Variants in SORBS3 observed in about 807,000 individuals in gnomAD.
The protein encoded by SORBS3 is vinexin.
SORBS3 carries 69 observed loss-of-function variants against 98.0 expected under a neutral mutation model. That is an observed-to-expected ratio of 0.70 (90% CI 0.58 to 0.86). SORBS3 has a LOEUF of 0.86. Ranked by LOEUF, SORBS3 falls within the 40% of genes least tolerant of loss-of-function variation. The pLI, the probability that SORBS3 is intolerant of heterozygous loss-of-function variation, is 0.00. For synonymous variants in SORBS3, 394 were observed against 355.4 expected, an observed-to-expected ratio of 1.11 and a Z score of -1.22; for missense variants, 954 against 908.5, an observed-to-expected ratio of 1.05 and a Z score of -0.64.
intron 17 of SORBS3, among the ~76,000 whole-genome samples, chr8:22,569,798 C>G (rs765918993): frequency 6.6e-6 from 1 of 151,984 alleles, no homozygotes; most frequent in East Asian, 1.9e-4. Context: ...ACCTTGAACT[C>G]CTGGGCTCAA....
rs181988841 is a variant in SORBS3, at chr8:22,563,831, T to C, written c.585-156T>C. On this transcript the variant is annotated intron_variant, in intron 7 of 20. Coordinates refer to ENST00000240123, the MANE Select transcript of SORBS3 (RefSeq NM_005775.5). ...AATTTAAGCTTGGAGCTCACACACTTCCACAGTTTAATCTTGCTTCCAGAG... is the reference window on the plus strand; with the variant it reads ...AATTTAAGCTTGGAGCTCACACACTCCCACAGTTTAATCTTGCTTCCAGAG... Among the ~76,000 whole-genome samples the C allele has an allele frequency of 9.3e-4, 141 of 152,242 alleles. 1 individual carries two copies. The highest frequency in any genetic ancestry group is 3.3e-3 in the African/African-American group (135 of 41,532).
rs767236708 is a variant in SORBS3 at position 22,574,873 on chromosome 8, G to A, written c.*145G>A. On this transcript the variant is annotated 3_prime_UTR_variant, in exon 21 of 21. Coordinates refer to ENST00000240123, the MANE Select transcript of SORBS3 (RefSeq NM_005775.5). ...AGACGACCCCCGCAGCCTTTCCCTC[G>A]GACCCCCCTCGAAGCCCCCTGGACT... 1.0e-5 allele frequency: 8 copies of A among 770,768 alleles called. No homozygotes were observed. Among genetic ancestry groups the A allele is most frequent in the South Asian group, 5.6e-5 (4 of 71,264 alleles). 47.7% of individuals were successfully genotyped at this position (770,768 alleles called of 1,614,324 possible). A position where few individuals can be genotyped will look rare whatever the true frequency, so the allele number is the denominator to read the frequency against.
At chr8:22,548,544 C>A (rs945963447), upstream of SORBS3, among the ~76,000 whole-genome samples, 5 of 152,174 alleles carry the variant, frequency 3.3e-5, no homozygotes, top group African/African-American at 1.2e-4. Flanking sequence ...ATTCTGAGAG[C>A]AAAACCCCCC....
At chr8:22,566,626 T>C in intron 13 of SORBS3, 35 bp from the exon 14 acceptor site, 1 of 1,589,556 alleles carries the variant, frequency 6.3e-7, no homozygotes, top group South Asian at 1.1e-5. Flanking sequence ...CCCCCAGGTA[T>C]GGCCTCCCCA....
chr8:22,557,342 G>C (rs1053293132), intron 4 of SORBS3, among the ~76,000 whole-genome samples: 3 of 152,220 alleles, frequency 2.0e-5, no homozygotes, highest in Admixed American at 1.3e-4. Flanking sequence ...CGGGGGTCCA[G>C]TTAGGACTGG....
chr8:22,557,015 C>T (rs146979491), intron 4 of SORBS3, 107 bp downstream of exon 4: 15 of 1,269,114 alleles, frequency 1.2e-5, no homozygotes, highest in African/African-American at 2.9e-5. Flanking sequence ...CGCACCCAAA[C>T]CATCCCAGAT....
At chr8:22,563,857 TA>T in intron 7 of SORBS3, 129 bp from the exon 8 acceptor site, 1 of 687,774 alleles carries the variant, frequency 1.5e-6, no homozygotes, top group Non-Finnish European at 2.6e-6. Context: ...GCTTCCAGAG[TA>T]ACGGCAGGGC....
rs1302823056 is a variant in SORBS3 at position 22,554,246 on chromosome 8, C to T, written c.-55-206C>T. Reference sequence around the variant, plus strand: ...TCCTGCCCTGGGCCTAACAAGTGGTCCATTGTGCCCCTGGGAGCCGGCAGG... The same window carrying T: ...TCCTGCCCTGGGCCTAACAAGTGGTTCATTGTGCCCCTGGGAGCCGGCAGG... On this transcript the variant is annotated intron_variant, in intron 1 of 20. Coordinates refer to ENST00000240123, the MANE Select transcript of SORBS3 (RefSeq NM_005775.5). This position sits in a 1 kb window ranked among gnomAD's most constrained non-coding sequence, Gnocchi z 6.5. The T allele has an allele frequency of 5.5e-6, 2 of 366,724 alleles. No individual in the cohort carries two copies. Among genetic ancestry groups the T allele is most frequent in the Non-Finnish European group, 9.9e-6 (2 of 201,340 alleles). The allele number at this position is 366,724 out of a possible 1,614,324, so 22.7% of individuals were successfully genotyped here.
chr8:22,572,480 G>T lies in SORBS3; in HGVS notation c.1954+34G>T, dbSNP rs370814607. The T allele has an allele frequency of 4.6e-6, 7 of 1,512,256 alleles. No individual in the cohort carries two copies. The African/African-American group carries it at 6.9e-5, about 15-fold the overall frequency. 93.7% of individuals were successfully genotyped at this position (1,512,256 alleles called of 1,614,324 possible). ...GCAGGCCGGGAGGGGGCATCTCAGG[G>T]CCCCAGGGGATGTGGGTGGGGTGCT... is the stretch of plus-strand genomic sequence containing the variant. On this transcript the variant is annotated intron_variant, in intron 20 of 20. Transcript: ENST00000240123.
At chr8:22,564,592 A>G in intron 10 of SORBS3, 71 bp downstream of exon 10, 1 of 1,582,818 alleles carries the variant, frequency 6.3e-7, no homozygotes, top group South Asian at 1.1e-5. Context: ...TGGCCCCAGT[A>G]ACCATGGGCA....
At chr8:22,562,665 C>T (rs1230334891) in intron 7 of SORBS3, among the ~76,000 whole-genome samples, 1 of 152,244 alleles carries the variant, frequency 6.6e-6, no homozygotes, top group Non-Finnish European at 1.5e-5. Flanking sequence ...TGCACTGCCA[C>T]TAGCCATGTG....
upstream of SORBS3, among the ~76,000 whole-genome samples, chr8:22,551,095 G>A (rs1368033437): frequency 6.6e-6 from 1 of 152,172 alleles, no homozygotes; most frequent in Non-Finnish European, 1.5e-5. The surrounding 1 kb of genome is among the most constrained non-coding windows in gnomAD (Gnocchi z 5.8). Context: ...ACAGTGTCTG[G>A]GAACACCAAG....
In SORBS3 at chr8:22,552,581, C is replaced by CCT. The variant is rs1840103183; in HGVS notation, c.-56+562_-56+563dup. ...AGATGGGGGCACCAAGGGTAAGCAA[C>CCT]CTCTGACTACGGGTCGTGGGGGACC... On this transcript the variant is annotated intron_variant, in intron 1 of 20. Transcript: ENST00000240123. Among the ~76,000 whole-genome samples the CCT allele has an allele frequency of 3.3e-5, 5 of 151,994 alleles. No homozygotes were observed. The South Asian group carries it at 1.0e-3, about 32-fold the overall frequency.
At chr8:22,566,127 G>A (rs1336629063) in intron 12 of SORBS3, 10 of 631,344 alleles carry the variant, frequency 1.6e-5, no homozygotes, top group Middle Eastern at 4.7e-4. Flanking sequence ...GGGCGGCCCC[G>A]CCACGGCCCA....
Position 22,571,855 on chromosome 8 carries a change from G to C in SORBS3, c.1847+34G>C, listed in dbSNP as rs192331993. 2.1e-4 allele frequency: 299 copies of C among 1,431,942 alleles called. 2 individuals are homozygous for C. In the African/African-American group the frequency reaches 3.8e-3, roughly 18 times the overall value. 88.7% of individuals were successfully genotyped at this position (1,431,942 alleles called of 1,614,324 possible). ...CATCTGAGGGCTCTTGATCAGACGT[G>C]GGGGGGGTCACTGGCAGGCAATGCC... On this transcript the variant is annotated intron_variant, in intron 19 of 20. Coordinates refer to ENST00000240123, the MANE Select transcript of SORBS3 (RefSeq NM_005775.5).
chr8:22,554,820 C>A lies in SORBS3; in HGVS notation c.103-43C>A. ...GCCTAGTAGCCATCCCTCCCTCCCG[C>A]CCTGCTGGGCCCTGAGCTGCCGCTC... On this transcript the variant is annotated intron_variant, in intron 2 of 20. Coordinates refer to ENST00000240123, the MANE Select transcript of SORBS3 (RefSeq NM_005775.5). This position sits in a 1 kb window ranked among gnomAD's most constrained non-coding sequence, Gnocchi z 6.5. 6.7e-7 allele frequency: 1 copy of A among 1,499,750 alleles called. No homozygotes were observed. The highest frequency in any genetic ancestry group is 9.3e-7 in the Non-Finnish European group (1 of 1,080,298). 92.9% of individuals were successfully genotyped at this position (1,499,750 alleles called of 1,614,324 possible).
chr8:22,566,293 G>T, intron 12 of SORBS3, 52 bp from the exon 13 acceptor site: 2 of 1,590,040 alleles, frequency 1.3e-6, no homozygotes, highest in South Asian at 1.1e-5. Context: ...GGGGTGACCA[G>T]GGTGGGGTGC....
chr8:22,575,064 A>C lies in SORBS3; in HGVS notation c.*336A>C. 2.1e-6 allele frequency: 1 copy of C among 469,710 alleles called. No individual in the cohort carries two copies. The highest frequency in any genetic ancestry group is 4.1e-6 in the Non-Finnish European group (1 of 241,530). 29.1% of individuals were successfully genotyped at this position (469,710 alleles called of 1,614,324 possible). A position where few individuals can be genotyped will look rare whatever the true frequency, so the allele number is the denominator to read the frequency against. On this transcript the variant is annotated 3_prime_UTR_variant, in exon 21 of 21. Transcript: ENST00000240123. ...CCATCCTGCTCCAGCGTTTCCTCTA[A>C]CAGGGACCAGCTCTCCGCTTTGCCC...
intron 6 of SORBS3, chr8:22,561,624 CA>C: frequency 3.3e-6 from 2 of 611,280 alleles, no homozygotes; most frequent in Admixed American, 2.8e-5. Flanking sequence ...TCCCTTTCCT[CA>C]TCTATAAGAT....
Sources: gnomAD v4.1 joint callset for allele counts (sites outside exome capture counted in the v4.1 genomes callset) on GRCh38, gnomAD v4.1.1 for gene constraint, Gnocchi (gnomAD v3.1) non-coding constraint, MANE v1.5 for transcripts, NCBI Gene and HGNC (gene_info 2026-07-23, HGNC 2026-07-21) for gene names.